The following ESR1 variants were observed in gnomAD, a reference collection of about 807,000 sequenced individuals.
ESR1 encodes estrogen receptor.
In ESR1, 12 loss-of-function variants were observed where a neutral mutation model predicts 52.7. That is an observed-to-expected ratio of 0.23 (90% confidence interval 0.15 to 0.37). ESR1 has a LOEUF of 0.37. Among genes scored for constraint, ESR1 ranks in the 10% least tolerant of loss-of-function variants. The pLI is 1.00. For missense variants in ESR1, 584 were observed against 779.7 expected (o/e 0.75, Z 2.99); for synonymous variants, 305 against 316.8 (o/e 0.96, Z 0.39).
At chr6:151,664,829 C>A (rs1777765738) in intron 1 of ESR1, among the ~76,000 whole-genome samples, 1 of 152,166 alleles carries the variant, frequency 6.6e-6, no homozygotes, top group African/African-American at 2.4e-5. Flanking sequence ...TTCTTTTAAG[C>A]ACCTCTAAAA....
chr6:151,937,120 A>T (rs116277013), intron 3 of ESR1, among the ~76,000 whole-genome samples: 1,627 of 152,296 alleles, frequency 0.011, 34 homozygotes, highest in African/African-American at 0.036. Flanking sequence ...GTTTGAGACT[A>T]TGTGTGGAAA....
chr6:152,082,290 A>G (rs1408749100), intron 6 of ESR1, among the ~76,000 whole-genome samples: 2 of 152,246 alleles, frequency 1.3e-5, no homozygotes, highest in Non-Finnish European at 2.9e-5. Flanking sequence ...CATTCCTGGG[A>G]TGCAAGACTG....
chr6:151,986,181 G>A (rs2040470225), intron 4 of ESR1, among the ~76,000 whole-genome samples: 1 of 152,072 alleles, frequency 6.6e-6, no homozygotes. Flanking sequence ...GGCCAGGACT[G>A]GGGTGAGGTG....
At chr6:151,899,189 A>T (rs1215658579) in intron 3 of ESR1, among the ~76,000 whole-genome samples, 4 of 137,778 alleles carry the variant, frequency 2.9e-5, no homozygotes, top group Non-Finnish European at 6.3e-5. Flanking sequence ...CTCACTTCCC[A>T]GTAGGGGCAG....
chr6:151,715,520 G>A (rs1024357921), intron 2 of ESR1, among the ~76,000 whole-genome samples: 1 of 152,084 alleles, frequency 6.6e-6, no homozygotes, highest in Non-Finnish European at 1.5e-5. Flanking sequence ...ATTTCTTGGA[G>A]GCTTTGTTCA....
intron 4 of ESR1, among the ~76,000 whole-genome samples, chr6:152,011,329 G>T (rs1220809212): frequency 1.3e-5 from 2 of 152,086 alleles, no homozygotes; most frequent in African/African-American, 2.4e-5. Flanking sequence ...ACAGTCACAG[G>T]TTACTATTAT....
At chr6:151,976,238 G>A (rs2039423923) in intron 4 of ESR1, among the ~76,000 whole-genome samples, 1 of 152,128 alleles carries the variant, frequency 6.6e-6, no homozygotes, top group Admixed American at 6.6e-5. Context: ...GCCTATGAAA[G>A]TGTGATTGTT....
intron 1 of ESR1, among the ~76,000 whole-genome samples, chr6:151,815,281 C>T (rs1215464076): frequency 6.6e-6 from 1 of 152,148 alleles, no homozygotes; most frequent in Non-Finnish European, 1.5e-5. Flanking sequence ...AATTTAGTTA[C>T]ATTGAGAAGC....
chr6:152,011,942 G>T (rs575463711), intron 5 of ESR1, 148 bp downstream of exon 5: 1 of 803,116 alleles, frequency 1.2e-6, no homozygotes, highest in African/African-American at 1.8e-5. Context: ...GGGTGATGAA[G>T]CCTAGTCAAA....
intron 2 of ESR1, among the ~76,000 whole-genome samples, chr6:151,861,613 G>A (rs1788901750): frequency 6.6e-6 from 1 of 152,168 alleles, no homozygotes; most frequent in Admixed American, 6.5e-5. Context: ...GCAAAGCCCA[G>A]AAGTGAGTTG....
intron 4 of ESR1, among the ~76,000 whole-genome samples, chr6:151,999,443 A>C (rs921067601): frequency 6.6e-6 from 1 of 152,072 alleles, no homozygotes; most frequent in Non-Finnish European, 1.5e-5. Context: ...CAGTTGTTTT[A>C]CTAGATTTGT....
intron 2 of ESR1, among the ~76,000 whole-genome samples, chr6:151,758,635 C>T (rs1784443755): frequency 6.6e-6 from 1 of 152,064 alleles, no homozygotes; most frequent in Non-Finnish European, 1.5e-5. Context: ...GTGGTGGGTG[C>T]CTGTAATCCC....
chr6:151,897,008 T>G (rs760815553), intron 3 of ESR1, among the ~76,000 whole-genome samples: 4 of 152,164 alleles, frequency 2.6e-5, no homozygotes, highest in Non-Finnish European at 5.9e-5. Context: ...CCTTTTGGAG[T>G]CGATTTCCAG....
intron 3 of ESR1, among the ~76,000 whole-genome samples, chr6:151,882,115 C>A (rs1300955013): frequency 6.6e-6 from 1 of 152,014 alleles, no homozygotes; most frequent in East Asian, 1.9e-4. Flanking sequence ...TAGTGGGCAG[C>A]TAACCTTTAA....
At chr6:151,933,254 T>C (rs1259044360) in intron 3 of ESR1, among the ~76,000 whole-genome samples, 1 of 149,298 alleles carries the variant, frequency 6.7e-6, no homozygotes, top group Non-Finnish European at 1.5e-5. Context: ...GGCTCTCTGT[T>C]TGTCTGTTGT....
At chr6:151,667,085 T>C (rs1777855175) in intron 1 of ESR1, among the ~76,000 whole-genome samples, 1 of 152,148 alleles carries the variant, frequency 6.6e-6, no homozygotes, top group Non-Finnish European at 1.5e-5. Context: ...CAGAAATTCA[T>C]AGATTTGCTG....
intron 6 of ESR1, among the ~76,000 whole-genome samples, chr6:152,109,596 G>A (rs532969743): frequency 1.0e-3 from 158 of 152,314 alleles, no homozygotes; most frequent in Non-Finnish European, 1.9e-3. Flanking sequence ...TGAGTCAGGA[G>A]AATCACTTGA....
Position 152,031,108 on chromosome 6 carries a change from A to G in ESR1, c.1235+19314A>G, listed in dbSNP as rs1684709036. Reference sequence around the variant, plus strand: ...AAACCAATGAGAACAAAGACACAACATACCAGAATCTCTGGGACACATTCA... The same window carrying G: ...AAACCAATGAGAACAAAGACACAACGTACCAGAATCTCTGGGACACATTCA... On this transcript the variant is annotated intron_variant, in intron 5 of 7. Coordinates refer to ENST00000206249, the MANE Select transcript of ESR1 (RefSeq NM_000125.4). 2.0e-5 allele frequency among the ~76,000 whole-genome samples: 3 copies of G among 152,238 alleles called. No individual in the cohort carries two copies. In the South Asian group the frequency reaches 6.2e-4, roughly 32 times the overall value.
In ESR1 at chr6:151,919,122, A is replaced by G. The variant is rs532513205; in HGVS notation, c.761-25051A>G. ...CCAGGCTTATTTATGTATTCAACAGACACATACCTGTTGAAGTGTAACAGA... is the reference window on the plus strand; with the variant it reads ...CCAGGCTTATTTATGTATTCAACAGGCACATACCTGTTGAAGTGTAACAGA... On this transcript the variant is annotated intron_variant, in intron 3 of 7. Transcript: ENST00000206249. Among the ~76,000 whole-genome samples the G allele has an allele frequency of 1.2e-4, 18 of 152,320 alleles. 2 individuals are homozygous for G. In the South Asian group the frequency reaches 3.7e-3, roughly 32 times the overall value.
Sources: allele counts gnomAD v4.1 joint callset (sites outside exome capture counted in the v4.1 genomes callset), GRCh38; gene constraint gnomAD v4.1.1; transcripts MANE v1.5; gene names NCBI Gene and HGNC (gene_info 2026-07-23, HGNC 2026-07-21).